DECR2: variants seen among roughly 807,000 people sequenced by gnomAD.
DECR2 encodes 2,4-dienoyl-CoA reductase 2.
DECR2 carries 34 observed loss-of-function variants against 29.2 expected under a neutral mutation model. That is an observed-to-expected ratio of 1.16 (90% CI 0.89 to 1.55). DECR2 has a LOEUF of 1.55. Ranked by LOEUF, DECR2 falls within the 40% of genes most tolerant of loss-of-function variation. The pLI, the probability that DECR2 is intolerant of heterozygous loss-of-function variation, is 0.00. For missense variants in DECR2, 485 were observed against 425.3 expected (o/e 1.14, Z -1.23); for synonymous variants, 224 against 182.7 (o/e 1.23, Z -1.82).
At chr16:402,067 C>T in intron 1 of DECR2, 24 bp downstream of exon 1, 1 of 1,346,232 alleles carries the variant, frequency 7.4e-7, no homozygotes. Flanking sequence ...GGGAAGCGAG[C>T]GCAGCCTTGG....
In DECR2 at chr16:407,283, G is replaced by A. The variant is rs949442840; in HGVS notation, c.202-142G>A. The A allele has an allele frequency of 2.7e-6, 4 of 1,458,290 alleles. No individual in the cohort carries two copies. In the African/African-American group the frequency reaches 4.2e-5, roughly 15 times the overall value. The allele number at this position is 1,458,290 out of a possible 1,614,324, so 90.3% of individuals were successfully genotyped here. On this transcript the variant is annotated intron_variant, in intron 3 of 8. Coordinates refer to ENST00000219481, the MANE Select transcript of DECR2 (RefSeq NM_020664.4). ...CCACTGGGGTCGTGGGCACTTGCAG[G>A]CTGTGCTTCCCCAGAGTGGGGTCCA... is the stretch of plus-strand genomic sequence containing the variant.
chr16:404,818 C>T (rs949945025), intron 1 of DECR2, 138 bp from the exon 2 acceptor site: 13 of 756,622 alleles, frequency 1.7e-5, no homozygotes, highest in Admixed American at 7.6e-5. Flanking sequence ...TTAGTAGAGA[C>T]GAGGTTTTAC....
chr16:406,321 C>T (rs199857748), intron 2 of DECR2, 25 bp from the exon 3 acceptor site: 3 of 1,604,372 alleles, frequency 1.9e-6, no homozygotes, highest in African/African-American at 1.3e-5. Context: ...CCACACTGCC[C>T]TCACACCTGC....
In DECR2 at chr16:411,435, G is replaced by A. The variant is rs777162278; in HGVS notation, c.736G>A (p.Ala246Thr). ...LQRLGNKTEI[A>T]HSVLYLASPL... is the part of the protein sequence containing the mutation. ...GAGGCTGGGGAACAAGACCGAGATC[G>A]CCCACAGCGTGCTCTACCTGGCCAG... is the stretch of plus-strand genomic sequence containing the variant. The change falls in exon 8 of 9, where the codon GCC (alanine) becomes ACC (threonine). Residue 246 changes from alanine (A) to threonine (T), a missense_variant. By Grantham distance (58) the Ala-to-Thr change is moderately conservative. Coordinates refer to ENST00000219481, the MANE Select transcript of DECR2 (RefSeq NM_020664.4). The A allele has an allele frequency of 4.2e-5, 68 of 1,613,376 alleles. No individual in the cohort carries two copies. The South Asian group carries it at 4.6e-4, about 11-fold the overall frequency.
rs377441280 is a variant in DECR2, at chr16:411,001, T to G, written c.586T>G (p.Trp196Gly). The G allele has an allele frequency of 4.2e-5, 68 of 1,603,752 alleles. No homozygotes were observed. The highest frequency in any genetic ancestry group is 5.5e-5 in the Non-Finnish European group (65 of 1,175,774). The change falls in exon 7 of 9, where the codon TGG becomes GGG. Residue 196 changes from tryptophan (W) to glycine (G), a missense_variant. Trp to Gly is a radical substitution (Grantham distance 184). Coordinates refer to ENST00000219481, the MANE Select transcript of DECR2 (RefSeq NM_020664.4). ...GATGACGCGGCACTTGGCTGTGGAGTGGGGTCCCCAAAACATCCGCGTCAA... is the reference window on the plus strand; with the variant it reads ...GATGACGCGGCACTTGGCTGTGGAGGGGGGTCCCCAAAACATCCGCGTCAA... ...DAMTRHLAVE[W>G]GPQNIRVNSL...
At chr16:407,718 C>T (rs1240592658) in intron 4 of DECR2, 158 bp downstream of exon 4, 2 of 1,207,838 alleles carry the variant, frequency 1.7e-6, no homozygotes, top group Admixed American at 5.2e-5. Flanking sequence ...GGCCAAGACT[C>T]AGGCTCCGGC....
At chr16:405,326 C>G (rs1043100359) in intron 2 of DECR2, 3 of 550,698 alleles carry the variant, frequency 5.4e-6, no homozygotes, top group East Asian at 3.4e-5. Context: ...CACATTTTCT[C>G]CTGGGACACA....
chr16:401,968 C>T lies in DECR2; in HGVS notation c.5C>T (p.Ala2Val). The change falls in exon 1 of 9, where the codon GCC becomes GTC. Residue 2 changes from alanine (A) to valine (V), a missense_variant. By Grantham distance (64) the Ala-to-Val change is moderately conservative (BLOSUM62 0). Transcript: ENST00000219481. M[A>V]QPPPDVEGDD... ...GCAGTCCCCGACGGGAGCGCCATGG[C>T]CCAGCCGCCGCCCGACGTGGAGGGG... 1 of 1,489,080 alleles carries T rather than the reference C, an allele frequency of 6.7e-7. No individual in the cohort carries two copies. Among genetic ancestry groups the T allele is most frequent in the Non-Finnish European group, 8.9e-7 (1 of 1,127,210 alleles). 92.2% of individuals were successfully genotyped at this position (1,489,080 alleles called of 1,614,324 possible).
chr16:402,049 C>A lies in DECR2; in HGVS notation c.80+6C>A. ...TTCTGCCCGGACCTGCTGCGGTGAGCGGGGCCTGGGAAGCGAGCGCAGCCT... is the reference window on the plus strand; with the variant it reads ...TTCTGCCCGGACCTGCTGCGGTGAGAGGGGCCTGGGAAGCGAGCGCAGCCT... On this transcript the variant is annotated splice_donor_region_variant and intron_variant, in intron 1 of 8. Coordinates refer to ENST00000219481, the MANE Select transcript of DECR2 (RefSeq NM_020664.4). 1 of 1,399,328 alleles carries A rather than the reference C, an allele frequency of 7.1e-7. No individual in the cohort carries two copies. The highest frequency in any genetic ancestry group is 1.5e-5 in the South Asian group (1 of 68,330). The allele number at this position is 1,399,328 out of a possible 1,614,324, so 86.7% of individuals were successfully genotyped here. A position where few individuals can be genotyped will look rare whatever the true frequency, so the allele number is the denominator to read the frequency against.
chr16:411,368 T>C lies in DECR2; in HGVS notation c.669T>C (p.Pro223=). The C allele has an allele frequency of 6.2e-7, 1 of 1,606,900 alleles. No homozygotes were observed. The change falls in exon 8 of 9, where the codon CCT becomes CCC. Residue 223 remains proline (P), a synonymous_variant. Coordinates refer to ENST00000219481, the MANE Select transcript of DECR2 (RefSeq NM_020664.4). ...GTEGLRRLGG[P]QASLSTKVTA... is the part of the protein sequence containing the mutation. The stretch of plus-strand genomic sequence containing the variant: ...CCTTCTGCTGCCCTCCAGGTGGCCC[T>C]CAGGCCAGCCTGAGCACCAAGGTCA...
chr16:402,934 G>A (rs567988722), intron 1 of DECR2: 11 of 687,088 alleles, frequency 1.6e-5, no homozygotes, highest in South Asian at 1.3e-4. Context: ...GCAGTGAGCC[G>A]AGATCGCACC....
chr16:412,428 C>G lies in DECR2; in HGVS notation c.*539C>G, dbSNP rs1318701138. ...CTATTTACTGTAAAAATAAATTGGACTTTGCAAAAGCTTTTAGAAGGAAAA... is the reference window on the plus strand; with the variant it reads ...CTATTTACTGTAAAAATAAATTGGAGTTTGCAAAAGCTTTTAGAAGGAAAA... On this transcript the variant is annotated 3_prime_UTR_variant, in exon 9 of 9. Transcript: ENST00000219481. The G allele has an allele frequency of 6.6e-5, 10 of 152,116 alleles. No homozygotes were observed. Among genetic ancestry groups the G allele is most frequent in the Non-Finnish European group, 1.5e-4 (10 of 68,028 alleles). 9.4% of individuals were successfully genotyped at this position (152,116 alleles called of 1,614,324 possible).
chr16:407,013 A>G (rs1261637830), intron 3 of DECR2: 1 of 1,032,800 alleles, frequency 9.7e-7, no homozygotes, highest in Non-Finnish European at 1.2e-6. Flanking sequence ...GGGTTCTGGG[A>G]GGGACCTTCC....
At position 411,505 on chromosome 16, in the gene DECR2, G is replaced by T; in HGVS notation, c.806G>T (p.Gly269Val). The change falls in exon 8 of 9, where the codon GGC (glycine) becomes GTC (valine). Residue 269 changes from glycine (G) to valine (V), a missense_variant. By Grantham distance (109) the Gly-to-Val change is moderately radical. Coordinates refer to ENST00000219481, the MANE Select transcript of DECR2 (RefSeq NM_020664.4). ...ACGGGGGCCGTGCTGGTGGCCGATG[G>T]CGGGGCATGGTTGACGTTCCCAAAC... ...YVTGAVLVAD[G>V]GAWLTFPNGV... The T allele has an allele frequency of 6.2e-7, 1 of 1,614,060 alleles. No individual in the cohort carries two copies. Among genetic ancestry groups the T allele is most frequent in the Non-Finnish European group, 8.5e-7 (1 of 1,179,998 alleles).
intron 4 of DECR2, 168 bp downstream of exon 4, chr16:407,728 C>T: frequency 1.8e-6 from 2 of 1,093,144 alleles, no homozygotes; most frequent in Admixed American, 5.6e-5. Flanking sequence ...CAGGCTCCGG[C>T]CCCCTGTCTC....
At chr16:404,060 C>T (rs2054697223) in intron 1 of DECR2, among the ~76,000 whole-genome samples, 1 of 151,892 alleles carries the variant, frequency 6.6e-6, no homozygotes, top group African/African-American at 2.4e-5. Context: ...GTAGTCCCAG[C>T]TACTCTGGAG....
intron 8 of DECR2, 124 bp downstream of exon 8, chr16:411,702 G>A (rs1422921338): frequency 3.5e-5 from 37 of 1,056,776 alleles, no homozygotes; most frequent in Non-Finnish European, 4.7e-5. Context: ...CGGCCCCTGC[G>A]CCAGCCTGCC....
chr16:404,531 CA>C (rs2054702768), intron 1 of DECR2, among the ~76,000 whole-genome samples: 1 of 152,096 alleles, frequency 6.6e-6, no homozygotes, highest in Admixed American at 6.6e-5. Context: ...TGAGCCAAGG[CA>C]CCTGGCCGAA....
chr16:405,605 C>T (rs975872514), intron 2 of DECR2: 120 of 1,303,982 alleles, frequency 9.2e-5, no homozygotes, highest in Non-Finnish European at 1.2e-4. Flanking sequence ...AAGCAACCCC[C>T]GAACCAGAAG....
Sources: allele counts gnomAD v4.1 joint callset (sites outside exome capture counted in the v4.1 genomes callset), GRCh38; gene constraint gnomAD v4.1.1; transcripts MANE v1.5; gene names NCBI Gene and HGNC (gene_info 2026-07-23, HGNC 2026-07-21).